PRR11: variants seen among roughly 807,000 people sequenced by gnomAD.
PRR11 encodes the protein proline rich 11.
In PRR11, 30 loss-of-function variants were observed where a neutral mutation model predicts 45.6. The ratio of observed to expected loss-of-function variants is 0.66; its 90% CI spans 0.49 to 0.89. The LOEUF is 0.89. Among genes scored for constraint, PRR11 ranks in the 40% least tolerant of loss-of-function variants. PRR11 has a pLI of 0.00. For synonymous variants in PRR11, 128 were observed against 153.5 expected, an observed-to-expected ratio of 0.83 and a Z score of 1.23; for missense variants, 373 against 424.8, an observed-to-expected ratio of 0.88 and a Z score of 1.07.
chr17:59,174,052 A>G (rs984178190), intron 2 of PRR11, among the ~76,000 whole-genome samples: 3 of 152,198 alleles, frequency 2.0e-5, no homozygotes, highest in African/African-American at 4.8e-5. Flanking sequence ...CCTTCATTCT[A>G]TAGCCTGCTT....
intron 1 of PRR11, among the ~76,000 whole-genome samples, chr17:59,160,555 G>A (rs78933317): frequency 6.6e-6 from 1 of 151,834 alleles, no homozygotes; most frequent in African/African-American, 2.4e-5. Context: ...TTACAGGCGT[G>A]AGCCACCATG....
intron 9 of PRR11, among the ~76,000 whole-genome samples, chr17:59,201,011 C>G (rs2046890102): frequency 6.6e-6 from 1 of 151,578 alleles, no homozygotes; most frequent in South Asian, 2.1e-4. Context: ...CAAATTAGTT[C>G]TTTAGTGGTG....
At chr17:59,177,910 C>T (rs985339292) in intron 2 of PRR11, among the ~76,000 whole-genome samples, 7 of 151,020 alleles carry the variant, frequency 4.6e-5, no homozygotes, top group African/African-American at 1.7e-4. Context: ...GAGGCTGAGG[C>T]AGGATTGCAA....
chr17:59,190,479 CA>C (rs1002787885), intron 4 of PRR11, among the ~76,000 whole-genome samples: 343 of 126,372 alleles, frequency 2.7e-3, no homozygotes, highest in African/African-American at 3.1e-3. Context: ...GACTCCATCT[CA>C]AAAAAAAAAA....
chr17:59,172,897 G>A (rs1490894372), intron 2 of PRR11, among the ~76,000 whole-genome samples: 1 of 152,258 alleles, frequency 6.6e-6, no homozygotes, highest in Non-Finnish European at 1.5e-5. Flanking sequence ...AAGGGCTGAG[G>A]AGTGTGGGCA....
intron 2 of PRR11, chr17:59,178,570 C>T (rs756254583): frequency 1.1e-5 from 6 of 525,810 alleles, no homozygotes; most frequent in Non-Finnish European, 1.9e-5. Flanking sequence ...AAAAGCAGGA[C>T]AGGGTTTCCG....
chr17:59,197,529 T>C lies in PRR11; in HGVS notation c.858-15T>C, dbSNP rs781703542. On this transcript the variant is annotated splice_polypyrimidine_tract_variant and intron_variant, in intron 7 of 9. Coordinates refer to ENST00000262293, the MANE Select transcript of PRR11 (RefSeq NM_018304.4). ...GCCTCCCAAAGTTCTAATTTTTATA[T>C]CTTTGTTTTATCAGCACTCCTGGAA... 2.5e-6 allele frequency: 4 copies of C among 1,611,428 alleles called. No homozygotes were observed. Among genetic ancestry groups the C allele is most frequent in the African/African-American group, 2.7e-5 (2 of 74,848 alleles).
At chr17:59,196,548 G>A (rs1276206950) in intron 7 of PRR11, among the ~76,000 whole-genome samples, 1 of 151,826 alleles carries the variant, frequency 6.6e-6, no homozygotes, top group Non-Finnish European at 1.5e-5. Flanking sequence ...GCTAATTTTT[G>A]TATGTTTTAA....
At chr17:59,187,088 G>A (rs2046817470) in intron 4 of PRR11, among the ~76,000 whole-genome samples, 1 of 152,088 alleles carries the variant, frequency 6.6e-6, no homozygotes, top group African/African-American at 2.4e-5. Context: ...AGTTTGGGAG[G>A]CCAAAACAGG....
At chr17:59,182,541 A>G (rs1281321843) in intron 2 of PRR11, among the ~76,000 whole-genome samples, 1 of 146,482 alleles carries the variant, frequency 6.8e-6, no homozygotes, top group Non-Finnish European at 1.5e-5. Context: ...ACAGGCGCGC[A>G]CCACTACCAC....
chr17:59,194,859 A>G lies in PRR11; in HGVS notation c.744+4A>G, dbSNP rs752561066. The G allele has an allele frequency of 6.2e-7, 1 of 1,606,920 alleles. No individual in the cohort carries two copies. The highest frequency in any genetic ancestry group is 8.5e-7 in the Non-Finnish European group (1 of 1,173,736). ...GAGTTTAGATGAAAAGAGGAAGGTA[A>G]GATGTCATTGACCACATACATGCTC... is the stretch of plus-strand genomic sequence containing the variant. On this transcript the variant is annotated splice_donor_region_variant and intron_variant, in intron 6 of 9. Transcript: ENST00000262293.
intron 4 of PRR11, among the ~76,000 whole-genome samples, chr17:59,187,163 C>G (rs1200648714): frequency 6.6e-6 from 1 of 152,004 alleles, no homozygotes; most frequent in Non-Finnish European, 1.5e-5. Context: ...GAGCCGAGAT[C>G]GTGCTGCTGC....
At chr17:59,174,655 C>T (rs1038926791) in intron 2 of PRR11, among the ~76,000 whole-genome samples, 4 of 152,082 alleles carry the variant, frequency 2.6e-5, no homozygotes, top group African/African-American at 4.8e-5. Flanking sequence ...GGCTCGAAGC[C>T]GGATCAAGCA....
intron 4 of PRR11, among the ~76,000 whole-genome samples, chr17:59,189,071 G>C (rs2147851643): frequency 6.6e-6 from 1 of 151,804 alleles, no homozygotes; most frequent in South Asian, 2.1e-4. Flanking sequence ...GGCCAAGGTG[G>C]TTGGATCACT....
chr17:59,185,460 C>T lies in PRR11; in HGVS notation c.300C>T (p.Asp100=), dbSNP rs764174009. ...CITQSLEVLK[D]TIFPSRICHR... is the part of the protein sequence containing the mutation. ...TTCAGAGTTTAGAAGTATTGAAAGA[C>T]ACCATCTTTCCATCTCGTATCTGCC... The change falls in exon 4 of 10, where the codon GAC becomes GAT. Residue 100 remains aspartate (D), a synonymous_variant. Coordinates refer to ENST00000262293, the MANE Select transcript of PRR11 (RefSeq NM_018304.4). 1.4e-5 allele frequency: 23 copies of T among 1,598,482 alleles called. No homozygotes were observed. In the African/African-American group the frequency reaches 2.3e-4, roughly 16 times the overall value.
At position 59,201,601 on chromosome 17, in the gene PRR11, T is replaced by A. The variant is rs1041970723; in HGVS notation, c.1053T>A (p.Leu351=). ...GAAGCCCAACTCCAACTCTGCCACTTTCTACAAGCAGCTTTGATGAACAAA... is the reference window on the plus strand; with the variant it reads ...GAAGCCCAACTCCAACTCTGCCACTATCTACAAGCAGCTTTGATGAACAAA... The part of the protein sequence containing the change: ...HPRSPTPTLP[L]STSSFDEQN The change falls in exon 10 of 10, where the codon CTT becomes CTA. Residue 351 remains leucine (L), a synonymous_variant. Coordinates refer to ENST00000262293, the MANE Select transcript of PRR11 (RefSeq NM_018304.4). 3 of 1,613,626 alleles carry A rather than the reference T, an allele frequency of 1.9e-6. No homozygotes were observed. The highest frequency in any genetic ancestry group is 3.3e-4 in the Middle Eastern group (2 of 6,062).
At chr17:59,162,902 A>AT (rs11395651) in intron 1 of PRR11, among the ~76,000 whole-genome samples, 32,114 of 150,478 alleles carry the variant, frequency 0.21, 3,571 homozygotes, top group African/African-American at 0.29. Flanking sequence ...TAATTTTTGT[A>AT]TTTTTTTAGT....
chr17:59,167,108 G>C (rs920172698), intron 1 of PRR11, among the ~76,000 whole-genome samples: 5 of 152,176 alleles, frequency 3.3e-5, no homozygotes, highest in Non-Finnish European at 7.3e-5. Context: ...AGCTTGCAGT[G>C]AGCCAAGATC....
chr17:59,197,643 T>C (rs180714796), intron 8 of PRR11, 40 bp downstream of exon 8: 103 of 1,611,656 alleles, frequency 6.4e-5, no homozygotes, highest in Middle Eastern at 3.3e-4. Flanking sequence ...TACGTCCATT[T>C]TAAAAGTTGC....
Sources: gnomAD v4.1 joint callset for allele counts (sites outside exome capture counted in the v4.1 genomes callset) on GRCh38, gnomAD v4.1.1 for gene constraint, MANE v1.5 for transcripts, NCBI Gene and HGNC (gene_info 2026-07-23, HGNC 2026-07-21) for gene names.